The following MICU1 variants were observed in gnomAD, a reference collection of about 807,000 sequenced individuals.
MICU1 encodes the protein mitochondrial calcium uptake 1.
Under a neutral mutation model 56.8 loss-of-function variants are expected in MICU1, and 45 were observed. That is an observed-to-expected ratio of 0.79 (90% CI 0.62 to 1.02). MICU1 has a LOEUF of 1.02. Ranked by LOEUF, MICU1 falls within the 50% of genes least tolerant of loss-of-function variation. The pLI is 0.00. For missense variants in MICU1, 504 were observed against 587.1 expected, an observed-to-expected ratio of 0.86 and a Z score of 1.46; for synonymous variants, 186 against 195.1, an observed-to-expected ratio of 0.95 and a Z score of 0.39.
In MICU1 at chr10:72,566,786, C is replaced by T. The variant is rs1365421100; in HGVS notation, c.8G>A (p.Arg3His). 11 of 1,609,348 alleles carry T rather than the reference C, an allele frequency of 6.8e-6. No individual in the cohort carries two copies. Among genetic ancestry groups the T allele is most frequent in the African/African-American group, 4.0e-5 (3 of 74,562 alleles). MF[R>H]LNSLSALAEL... Reference sequence around the variant, plus strand: ...TGCCAAAGCAGAAAGTGAGTTCAGACGAAACATCCTGTGGACAATAAGTAG... The same window carrying T: ...TGCCAAAGCAGAAAGTGAGTTCAGATGAAACATCCTGTGGACAATAAGTAG... Residue 3 changes from arginine to histidine, a missense_variant, in exon 2 of 12, where the codon CGT becomes CAT. Transcript: ENST00000361114.
At chr10:72,584,608 A>G (rs1840994917) in intron 1 of MICU1, among the ~76,000 whole-genome samples, 1 of 151,672 alleles carries the variant, frequency 6.6e-6, no homozygotes. Context: ...GCTGGAGTGC[A>G]GTGGTGCAAT....
intron 1 of MICU1, among the ~76,000 whole-genome samples, chr10:72,604,291 G>A (rs1297562264): frequency 5.3e-5 from 2 of 37,632 alleles, no homozygotes; most frequent in Admixed American, 6.4e-4. Context: ...TTTTTTTTTT[G>A]AGACGGAGTT....
chr10:72,440,604 G>T (rs1864888959), intron 8 of MICU1, among the ~76,000 whole-genome samples: 1 of 152,170 alleles, frequency 6.6e-6, no homozygotes, highest in East Asian at 1.9e-4. Context: ...CCATCAGAGT[G>T]AACAGGCAAC....
chr10:72,514,313 C>T (rs75836520), intron 5 of MICU1, among the ~76,000 whole-genome samples: 4,161 of 151,862 alleles, frequency 0.027, 185 homozygotes, highest in African/African-American at 0.096. Flanking sequence ...ATATAATGTC[C>T]GTGCCTCCTC....
intron 1 of MICU1, among the ~76,000 whole-genome samples, chr10:72,580,471 TTA>T (rs1254184761): frequency 1.9e-5 from 2 of 106,868 alleles, no homozygotes; most frequent in South Asian, 2.6e-4. Flanking sequence ...ATTTAATTAA[TTA>T]ATTTATTTAT....
intron 10 of MICU1, among the ~76,000 whole-genome samples, chr10:72,399,685 G>A (rs1455464227): frequency 3.3e-5 from 5 of 151,838 alleles, no homozygotes; most frequent in Admixed American, 1.3e-4. Flanking sequence ...ATTTGAGGCC[G>A]GGTGCAGTGG....
chr10:72,464,683 C>A (rs2065814), intron 8 of MICU1, among the ~76,000 whole-genome samples: 68,562 of 152,042 alleles, frequency 0.45, 19,927 homozygotes, highest in Non-Finnish European at 0.67. Context: ...TCTAACAATG[C>A]ATTTCTCAGA....
At chr10:72,432,038 G>A (rs1260443314) in intron 8 of MICU1, among the ~76,000 whole-genome samples, 1 of 145,046 alleles carries the variant, frequency 6.9e-6, no homozygotes, top group Admixed American at 6.9e-5. Flanking sequence ...GCTGATACTT[G>A]TCTCATTAGC....
At chr10:72,495,029 T>C (rs1219083875) in intron 6 of MICU1, among the ~76,000 whole-genome samples, 2 of 152,230 alleles carry the variant, frequency 1.3e-5, no homozygotes, top group Non-Finnish European at 1.5e-5. Context: ...TACACTGTTA[T>C]TTGACAGTTG....
At chr10:72,427,516 A>G (rs1056472045) in intron 8 of MICU1, among the ~76,000 whole-genome samples, 1 of 152,068 alleles carries the variant, frequency 6.6e-6, no homozygotes, top group African/African-American at 2.4e-5. Flanking sequence ...ACAAATGTAA[A>G]CTTCAGCCTT....
intron 10 of MICU1, among the ~76,000 whole-genome samples, chr10:72,378,960 G>A (rs901842919): frequency 2.0e-5 from 3 of 152,122 alleles, no homozygotes; most frequent in Non-Finnish European, 4.4e-5. Flanking sequence ...GGGTGAAGAG[G>A]AAATTAACAT....
At chr10:72,562,766 G>GA in intron 3 of MICU1, 129 bp downstream of exon 3, 1 of 861,016 alleles carries the variant, frequency 1.2e-6, no homozygotes, top group East Asian at 3.1e-5. Context: ...GAACATGATA[G>GA]AAAATAGCAA....
chr10:72,605,240 G>GC, intron 1 of MICU1, among the ~76,000 whole-genome samples: 1 of 152,222 alleles, frequency 6.6e-6, no homozygotes, highest in South Asian at 2.1e-4. Context: ...TCCCACCAGC[G>GC]CCAGGACAGT....
intron 3 of MICU1, among the ~76,000 whole-genome samples, chr10:72,554,341 T>C (rs1840107546): frequency 6.6e-6 from 1 of 152,222 alleles, no homozygotes; most frequent in Admixed American, 6.5e-5. Context: ...ACATTAGGTG[T>C]CTTATGATAA....
intron 1 of MICU1, among the ~76,000 whole-genome samples, chr10:72,569,220 TATA>T (rs1840529304): frequency 7.3e-5 from 3 of 41,002 alleles, no homozygotes; most frequent in African/African-American, 1.1e-4. Context: ...TATATATATA[TATA>T]TATATATATA....
chr10:72,550,206 A>G (rs1840000087), intron 4 of MICU1, among the ~76,000 whole-genome samples: 1 of 152,186 alleles, frequency 6.6e-6, no homozygotes, highest in African/African-American at 2.4e-5. Context: ...CTTTTATACC[A>G]TATTTTTACT....
intron 8 of MICU1, among the ~76,000 whole-genome samples, chr10:72,458,207 G>T (rs187738766): frequency 1.1e-4 from 17 of 151,492 alleles, no homozygotes; most frequent in African/African-American, 3.9e-4. Flanking sequence ...TTCTATATTG[G>T]AAAGAAAATA....
At chr10:72,432,125 ACT>A (rs1457520914) in intron 8 of MICU1, among the ~76,000 whole-genome samples, 2 of 136,438 alleles carry the variant, frequency 1.5e-5, no homozygotes, top group African/African-American at 2.8e-5. Flanking sequence ...GCAGGGTCTC[ACT>A]CTGTCACCCA....
intron 10 of MICU1, among the ~76,000 whole-genome samples, chr10:72,405,289 G>A (rs1045603268): frequency 1.4e-5 from 2 of 146,796 alleles, no homozygotes; most frequent in Non-Finnish European, 3.0e-5. Context: ...GCGCAATCTC[G>A]GCTCACTGCA....
Sources: allele counts gnomAD v4.1 joint callset (sites outside exome capture counted in the v4.1 genomes callset), GRCh38; gene constraint gnomAD v4.1.1; transcripts MANE v1.5; gene names NCBI Gene and HGNC (gene_info 2026-07-23, HGNC 2026-07-21).